The following RALGPS2 variants were observed in gnomAD, a reference collection of about 807,000 sequenced individuals.
The protein encoded by RALGPS2 is ras-specific guanine nucleotide-releasing factor RalGPS2.
A neutral mutation model predicts 86.8 loss-of-function variants in RALGPS2; 43 were observed. The observed-to-expected ratio is 0.50, with a 90% CI of 0.39 to 0.64. The LOEUF is 0.64. Among genes scored for constraint, RALGPS2 ranks in the 30% least tolerant of loss-of-function variants. The probability of loss-of-function intolerance (pLI) is 0.00; values close to 1 mark genes in which losing one functional copy is unlikely to be tolerated. For missense variants in RALGPS2, 536 were observed against 694.6 expected, an observed-to-expected ratio of 0.77 and a Z score of 2.57; for synonymous variants, 243 against 231.3, an observed-to-expected ratio of 1.05 and a Z score of -0.46.
At chr1:178,852,651 T>C in intron 8 of RALGPS2, 1 of 1,589,066 alleles carries the variant, frequency 6.3e-7, no homozygotes, top group East Asian at 2.2e-5. Context: ...AAGGTGATGA[T>C]TCTACAAAGA....
At chr1:178,791,444 T>A (rs1273195713) in intron 4 of RALGPS2, among the ~76,000 whole-genome samples, 5 of 152,134 alleles carry the variant, frequency 3.3e-5, no homozygotes, top group African/African-American at 1.2e-4. Flanking sequence ...TTTAAATCAA[T>A]GCTCATTTTT....
intron 1 of RALGPS2, among the ~76,000 whole-genome samples, chr1:178,749,635 G>T (rs916327595): frequency 3.3e-5 from 5 of 152,064 alleles, no homozygotes; most frequent in African/African-American, 1.2e-4. Context: ...GTAACACTTG[G>T]GATTTTGTAA....
intron 4 of RALGPS2, among the ~76,000 whole-genome samples, chr1:178,806,761 C>T (rs1198651980): frequency 6.6e-6 from 1 of 151,974 alleles, no homozygotes; most frequent in East Asian, 1.9e-4. Context: ...TCGCTCCCTG[C>T]CCTAACTCGT....
At chr1:178,865,022 G>A (rs1421084686) in intron 8 of RALGPS2, 1 of 1,485,194 alleles carries the variant, frequency 6.7e-7, no homozygotes, top group Non-Finnish European at 8.9e-7. Context: ...CAGATCAGGT[G>A]GTGGCATTAA....
chr1:178,793,629 A>T lies in RALGPS2; in HGVS notation c.213+8022A>T, dbSNP rs943510565. 3.3e-5 allele frequency among the ~76,000 whole-genome samples: 5 copies of T among 152,162 alleles called. No homozygotes were observed. In the South Asian group the frequency reaches 1.0e-3, roughly 32 times the overall value. On this transcript the variant is annotated intron_variant, in intron 4 of 19. Coordinates refer to ENST00000367635, the MANE Select transcript of RALGPS2 (RefSeq NM_152663.5). ...TCTGTCATCCCATTTCGAGAATATA[A>T]ATTCCATGTGGGCAGGAATCTTTGT... is the stretch of plus-strand genomic sequence containing the variant.
intron 8 of RALGPS2, among the ~76,000 whole-genome samples, chr1:178,858,313 C>T (rs539698104): frequency 2.5e-4 from 38 of 152,184 alleles, no homozygotes; most frequent in African/African-American, 9.1e-4. Flanking sequence ...TCTATTGTCC[C>T]TATCTTAAAT....
chr1:178,746,879 T>G (rs1420086356), intron 1 of RALGPS2: 17 of 1,183,104 alleles, frequency 1.4e-5, no homozygotes, highest in Non-Finnish European at 2.0e-5. Context: ...TGTCAGTTTT[T>G]CTTCTTCTAG....
rs1002670830 is a variant in RALGPS2 at position 178,866,773 on chromosome 1, T to A, written c.608-10725T>A. On this transcript the variant is annotated intron_variant, in intron 8 of 19. Transcript: ENST00000367635. Reference sequence around the variant, plus strand: ...CGGATTCTCTGACCCATAGTCAGTATTTATAGAAGCAGCACCTATACTAAA... The same window carrying A: ...CGGATTCTCTGACCCATAGTCAGTAATTATAGAAGCAGCACCTATACTAAA... Among the ~76,000 whole-genome samples the A allele has an allele frequency of 1.1e-4, 16 of 152,284 alleles. 1 individual carries two copies. The highest frequency in any genetic ancestry group is 5.9e-4 in the Admixed American group (9 of 15,282).
chr1:178,741,568 G>A (rs1358683623), intron 1 of RALGPS2, among the ~76,000 whole-genome samples: 1 of 152,156 alleles, frequency 6.6e-6, no homozygotes, highest in Non-Finnish European at 1.5e-5. Flanking sequence ...TAAAGTTCCT[G>A]TACTGTACAT....
At chr1:178,857,628 T>C (rs1337355176) in intron 8 of RALGPS2, among the ~76,000 whole-genome samples, 2 of 152,182 alleles carry the variant, frequency 1.3e-5, no homozygotes, top group Admixed American at 6.5e-5. Context: ...TTACAACATA[T>C]ATATATTTAT....
chr1:178,790,852 A>C (rs1029286987), intron 4 of RALGPS2, among the ~76,000 whole-genome samples: 7 of 152,224 alleles, frequency 4.6e-5, no homozygotes, highest in Non-Finnish European at 1.0e-4. Flanking sequence ...TTAGTGTATT[A>C]ATCTTTATTA....
chr1:178,854,826 T>C (rs1023191300), intron 8 of RALGPS2, among the ~76,000 whole-genome samples: 11 of 152,184 alleles, frequency 7.2e-5, no homozygotes, highest in African/African-American at 2.7e-4. Flanking sequence ...TTTCTTCAAA[T>C]TTTACAAGTG....
At chr1:178,790,091 C>T (rs952574687) in intron 4 of RALGPS2, among the ~76,000 whole-genome samples, 1 of 151,992 alleles carries the variant, frequency 6.6e-6, no homozygotes, top group Non-Finnish European at 1.5e-5. Flanking sequence ...TGGGACCATA[C>T]ACATGTGCCA....
intron 7 of RALGPS2, among the ~76,000 whole-genome samples, chr1:178,829,695 C>A (rs890692695): frequency 6.6e-6 from 1 of 151,930 alleles, no homozygotes; most frequent in Non-Finnish European, 1.5e-5. Context: ...ATGTTGTATA[C>A]TTGAACTTTT....
At chr1:178,834,967 AG>A (rs1205900199) in intron 8 of RALGPS2, among the ~76,000 whole-genome samples, 1 of 151,870 alleles carries the variant, frequency 6.6e-6, no homozygotes, top group Admixed American at 6.6e-5. Flanking sequence ...TAGTAGAGAC[AG>A]GGTTTCGCCA....
intron 2 of RALGPS2, among the ~76,000 whole-genome samples, chr1:178,780,388 G>A (rs572693568): frequency 5.2e-4 from 79 of 152,186 alleles, no homozygotes; most frequent in African/African-American, 1.8e-3. Flanking sequence ...TGACCTTTTA[G>A]TTGGGTGTTG....
At chr1:178,815,839 A>T (rs1298247470) in intron 6 of RALGPS2, among the ~76,000 whole-genome samples, 1 of 152,194 alleles carries the variant, frequency 6.6e-6, no homozygotes, top group African/African-American at 2.4e-5. Context: ...TGTAAGTGGG[A>T]TCCTACAGAA....
chr1:178,835,672 C>T (rs929406587), intron 8 of RALGPS2, among the ~76,000 whole-genome samples: 1 of 152,140 alleles, frequency 6.6e-6, no homozygotes, highest in Non-Finnish European at 1.5e-5. Context: ...GGATTATAGG[C>T]ATGAGTGATG....
At chr1:178,803,784 C>T (rs1033450219) in intron 4 of RALGPS2, among the ~76,000 whole-genome samples, 1 of 152,156 alleles carries the variant, frequency 6.6e-6, no homozygotes, top group African/African-American at 2.4e-5. Flanking sequence ...AGCATTCACT[C>T]CTTATCTACT....
Sources: allele counts gnomAD v4.1 joint callset (sites outside exome capture counted in the v4.1 genomes callset), GRCh38; gene constraint gnomAD v4.1.1; transcripts MANE v1.5; gene names NCBI Gene and HGNC (gene_info 2026-07-23, HGNC 2026-07-21).